Variants in UBAC2 observed in about 807,000 individuals in gnomAD.
The protein encoded by UBAC2 is ubiquitin-associated domain-containing protein 2.
UBAC2 carries 26 observed loss-of-function variants against 44.0 expected under a neutral mutation model. That is an observed-to-expected ratio of 0.59 (90% confidence interval 0.43 to 0.82). The LOEUF is 0.82. Ranked by LOEUF, UBAC2 falls within the 40% of genes least tolerant of loss-of-function variation. UBAC2 has a pLI of 0.00. For missense variants in UBAC2, 329 were observed against 419.4 expected, an observed-to-expected ratio of 0.78 and a Z score of 1.88; for synonymous variants, 155 against 154.3, an observed-to-expected ratio of 1.00 and a Z score of -0.04.
chr13:99,350,812 G>T (rs79559909), intron 7 of UBAC2, among the ~76,000 whole-genome samples: 1 of 152,252 alleles, frequency 6.6e-6, no homozygotes, highest in East Asian at 1.9e-4. Context: ...TAGGGGAGCA[G>T]TCTTGTGGGA....
At chr13:99,201,381 C>T (rs754338158) in intron 1 of UBAC2, 109 of 1,595,716 alleles carry the variant, frequency 6.8e-5, no homozygotes, top group Non-Finnish European at 9.0e-5. Flanking sequence ...TCAGCCTCCG[C>T]TTTAGAAGCT....
chr13:99,261,989 A>G (rs2043669560), intron 4 of UBAC2, among the ~76,000 whole-genome samples: 1 of 152,224 alleles, frequency 6.6e-6, no homozygotes, highest in African/African-American at 2.4e-5. Flanking sequence ...TAAACAATTC[A>G]TAAGTTTTCT....
chr13:99,304,366 AGT>A (rs924684069), intron 4 of UBAC2, among the ~76,000 whole-genome samples: 8 of 152,116 alleles, frequency 5.3e-5, no homozygotes, highest in Non-Finnish European at 8.8e-5. Context: ...TCTGAAAGGC[AGT>A]GTGGGTGTAT....
intron 1 of UBAC2, among the ~76,000 whole-genome samples, chr13:99,225,215 TAC>T (rs1329271688): frequency 5.9e-5 from 9 of 152,220 alleles, no homozygotes; most frequent in Non-Finnish European, 1.0e-4. Context: ...TAGTATTAAG[TAC>T]GTTCATATTG....
chr13:99,234,292 A>G (rs2043210374), intron 1 of UBAC2: 1 of 280,618 alleles, frequency 3.6e-6, no homozygotes, highest in Admixed American at 3.7e-5. Context: ...AAGCGATTCA[A>G]GTGATTCTCC....
At chr13:99,312,205 G>C (rs1263005018) in intron 4 of UBAC2, among the ~76,000 whole-genome samples, 1 of 152,266 alleles carries the variant, frequency 6.6e-6, no homozygotes, top group African/African-American at 2.4e-5. Context: ...TCAAGGATGA[G>C]AAATTGCGCA....
At chr13:99,219,499 G>T (rs1324318474) in intron 1 of UBAC2, among the ~76,000 whole-genome samples, 1 of 152,182 alleles carries the variant, frequency 6.6e-6, no homozygotes, top group African/African-American at 2.4e-5. Context: ...CCACCCTGCA[G>T]CCCATGGGCC....
In UBAC2 at chr13:99,213,526, AATTTTTGT is replaced by A. The variant is rs561644669; in HGVS notation, c.31+12597_31+12604del. On this transcript the variant is annotated intron_variant, in intron 1 of 8. Transcript: ENST00000403766. ...CAGGCACCTGCCATCATGCCCAGCT[AATTTTTGT>A]ATTTTTGTAGAGACAGGGTTTTACC... 4.0e-3 allele frequency among the ~76,000 whole-genome samples: 613 copies of A among 151,674 alleles called. 6 individuals are homozygous for A. Among genetic ancestry groups the A allele is most frequent in the African/African-American group, 0.014 (579 of 41,314 alleles).
intron 8 of UBAC2, among the ~76,000 whole-genome samples, chr13:99,374,062 T>C (rs2045446367): frequency 6.6e-6 from 1 of 152,232 alleles, no homozygotes. Context: ...GACAGATCTA[T>C]TTGGCTTTTA....
intron 7 of UBAC2, among the ~76,000 whole-genome samples, chr13:99,342,807 G>A (rs761420584): frequency 2.6e-5 from 4 of 152,218 alleles, no homozygotes; most frequent in Non-Finnish European, 5.9e-5. Context: ...AGATCCACAC[G>A]TGTAATTGCC....
intron 4 of UBAC2, among the ~76,000 whole-genome samples, chr13:99,312,106 T>C (rs1487662878): frequency 6.6e-6 from 1 of 152,260 alleles, no homozygotes; most frequent in Non-Finnish European, 1.5e-5. Flanking sequence ...TTATCACATT[T>C]GTTTTGTGTG....
chr13:99,260,010 A>G (rs1418196099), intron 4 of UBAC2, among the ~76,000 whole-genome samples: 2 of 152,150 alleles, frequency 1.3e-5, no homozygotes, highest in Non-Finnish European at 2.9e-5. Context: ...CTTGCTCTCC[A>G]TTCCAGCCCT....
intron 1 of UBAC2, among the ~76,000 whole-genome samples, chr13:99,234,987 C>A (rs1002970461): frequency 6.6e-6 from 1 of 152,088 alleles, no homozygotes; most frequent in Non-Finnish European, 1.5e-5. Context: ...TTCTAAAATA[C>A]CCTCAGTAGT....
intron 1 of UBAC2, among the ~76,000 whole-genome samples, chr13:99,218,151 A>G (rs1383996103): frequency 6.6e-6 from 1 of 152,160 alleles, no homozygotes; most frequent in Non-Finnish European, 1.5e-5. Context: ...TTTCATTATA[A>G]TTACATTTCT....
chr13:99,317,676 G>C (rs925316961), intron 5 of UBAC2, among the ~76,000 whole-genome samples: 5 of 152,210 alleles, frequency 3.3e-5, no homozygotes, highest in African/African-American at 1.2e-4. Flanking sequence ...TTTGTATGTT[G>C]TTAATTCTAA....
chr13:99,351,590 T>C (rs1382192363), intron 7 of UBAC2: 1 of 456,764 alleles, frequency 2.2e-6, no homozygotes, highest in Non-Finnish European at 4.4e-6. Context: ...TCATCTGTTA[T>C]TTGTGGGAGC....
chr13:99,314,016 G>A lies in UBAC2; in HGVS notation c.390-81G>A, dbSNP rs893085507. 3 of 1,296,598 alleles carry A rather than the reference G, an allele frequency of 2.3e-6. No individual in the cohort carries two copies. The African/African-American group carries it at 4.5e-5, about 19-fold the overall frequency. 80.3% of individuals were successfully genotyped at this position (1,296,598 alleles called of 1,614,324 possible). ...CTTTCAGACTGAAATAAAATTATAAGCAGTGTTACTTCAAAGATACATCTG... is the reference window on the plus strand; with the variant it reads ...CTTTCAGACTGAAATAAAATTATAAACAGTGTTACTTCAAAGATACATCTG... On this transcript the variant is annotated intron_variant, in intron 4 of 8. Transcript: ENST00000403766.
intron 5 of UBAC2, 103 bp downstream of exon 5, chr13:99,314,323 T>C (rs1245549490): frequency 3.3e-5 from 45 of 1,353,626 alleles, no homozygotes; most frequent in Admixed American, 5.3e-5. Flanking sequence ...ATGGTTTTTT[T>C]CCCCCCATAA....
chr13:99,347,837 T>C (rs1303098757), intron 7 of UBAC2, among the ~76,000 whole-genome samples: 1 of 151,718 alleles, frequency 6.6e-6, no homozygotes, highest in Non-Finnish European at 1.5e-5. Context: ...TTTGGAGGCT[T>C]GTCTCATGGG....
Sources: gnomAD v4.1 joint callset for allele counts (sites outside exome capture counted in the v4.1 genomes callset) on GRCh38, gnomAD v4.1.1 for gene constraint, MANE v1.5 for transcripts, NCBI Gene and HGNC (gene_info 2026-07-23, HGNC 2026-07-21) for gene names.